The following HEG1 variants were observed in gnomAD, a reference collection of about 807,000 sequenced individuals.
The protein encoded by HEG1 is protein HEG homolog 1.
HEG1 carries 56 observed loss-of-function variants against 125.6 expected under a neutral mutation model. That is an observed-to-expected ratio of 0.45 (90% CI 0.36 to 0.56). HEG1 has a LOEUF of 0.56. HEG1 is among the 20% of genes least tolerant of loss of function. The pLI is 0.00. For synonymous variants in HEG1, 644 were observed against 668.5 expected (o/e 0.96, Z 0.57); for missense variants, 1,523 against 1,670.0 (o/e 0.91, Z 1.53).
intron 1 of HEG1, among the ~76,000 whole-genome samples, chr3:125,045,958 C>T (rs1267500193): frequency 3.3e-5 from 5 of 152,196 alleles, no homozygotes; most frequent in Admixed American, 2.0e-4. Context: ...TGTCCAGTTA[C>T]AAGTGCTTTC....
rs778119461 is a variant in HEG1 at position 125,013,958 on chromosome 3, T to C, written c.1621A>G (p.Thr541Ala). ...AGISYGQVRG[T>A]AIEQRTSSDH... ...CTGGAAGTCCTTTGTTCAATAGCTG[T>C]GCCACGCACTTGACCGTAGCTAATC... Residue 541 changes from threonine (T) to alanine (A), a missense_variant, in exon 6 of 17, where the codon ACA becomes GCA. Physicochemically the swap from Thr to Ala is moderately conservative, Grantham distance 58. Transcript: ENST00000311127. 5 of 1,612,194 alleles carry C rather than the reference T, an allele frequency of 3.1e-6. No homozygotes were observed. The highest frequency in any genetic ancestry group is 4.2e-6 in the Non-Finnish European group (5 of 1,179,398).
chr3:124,991,017 G>A (rs1579403273), intron 12 of HEG1, 31 bp from the exon 13 acceptor site: 2 of 1,534,482 alleles, frequency 1.3e-6, no homozygotes, highest in East Asian at 2.4e-5. Context: ...GCATGAGTGT[G>A]TCTATTTACC....
chr3:124,992,944 G>T (rs968766786), intron 12 of HEG1, among the ~76,000 whole-genome samples: 3 of 152,214 alleles, frequency 2.0e-5, no homozygotes, highest in African/African-American at 7.2e-5. Flanking sequence ...GCAGCCATGG[G>T]AAAGTCCCTG....
chr3:124,972,700 T>C (rs1356588537), intron 16 of HEG1, among the ~76,000 whole-genome samples: 3 of 152,232 alleles, frequency 2.0e-5, no homozygotes, highest in Non-Finnish European at 1.5e-5. Context: ...GATAACTGTT[T>C]ACTTTTCAGC....
intron 14 of HEG1, among the ~76,000 whole-genome samples, chr3:124,985,220 T>C (rs1427567500): frequency 6.6e-6 from 1 of 152,162 alleles, no homozygotes; most frequent in Non-Finnish European, 1.5e-5. Flanking sequence ...CAAGGTGACA[T>C]GGATCCTGCT....
intron 12 of HEG1, among the ~76,000 whole-genome samples, chr3:124,997,465 T>C (rs1936938652): frequency 6.6e-6 from 1 of 152,226 alleles, no homozygotes. Context: ...CTGTCTTCCT[T>C]TGAATTTAAT....
intron 14 of HEG1, among the ~76,000 whole-genome samples, chr3:124,982,179 C>T (rs1936666857): frequency 1.3e-5 from 2 of 152,178 alleles, no homozygotes; most frequent in South Asian, 2.1e-4. Context: ...GGATTACAGG[C>T]GTGAGCCACT....
At chr3:125,040,402 C>T (rs1314115247) in intron 1 of HEG1, among the ~76,000 whole-genome samples, 1 of 152,060 alleles carries the variant, frequency 6.6e-6, no homozygotes, top group Non-Finnish European at 1.5e-5. Flanking sequence ...ACCAGCCCTA[C>T]AGAAAGTCCC....
intron 14 of HEG1, among the ~76,000 whole-genome samples, chr3:124,980,499 G>A (rs1040857597): frequency 6.6e-6 from 1 of 152,184 alleles, no homozygotes; most frequent in Non-Finnish European, 1.5e-5. Flanking sequence ...CAAACTATCT[G>A]TGGTCAAGGA....
At chr3:124,971,240 T>C (rs1291415589) in intron 16 of HEG1, 1 of 449,598 alleles carries the variant, frequency 2.2e-6, no homozygotes, top group African/African-American at 2.0e-5. Flanking sequence ...AGCTACTATG[T>C]ATCATAAATA....
intron 11 of HEG1, 40 bp downstream of exon 11, chr3:125,001,812 A>G: frequency 6.3e-7 from 1 of 1,595,006 alleles, no homozygotes; most frequent in Middle Eastern, 1.9e-4. Flanking sequence ...TCTGTGCCTA[A>G]CTATATGGGT....
At chr3:124,979,286 G>C (rs968473464) in intron 14 of HEG1, among the ~76,000 whole-genome samples, 2 of 152,012 alleles carry the variant, frequency 1.3e-5, no homozygotes, top group African/African-American at 4.8e-5. Flanking sequence ...ATTTTTACTT[G>C]ATAAAATAAA....
At chr3:125,048,179 GT>G (rs1937707274) in intron 1 of HEG1, among the ~76,000 whole-genome samples, 1 of 152,162 alleles carries the variant, frequency 6.6e-6, no homozygotes, top group Non-Finnish European at 1.5e-5. Context: ...CTAGAATGAA[GT>G]TCAAGTACCT....
At position 124,968,084 on chromosome 3, in the gene HEG1, T is replaced by C. The variant is rs1035169565; in HGVS notation, c.*2568A>G. ...CCATCTGTGGGATATTGGTGCAGGA[T>C]TGTGGCATCTGTGCACGTGAATCAC... On this transcript the variant is annotated 3_prime_UTR_variant, in exon 17 of 17. Coordinates refer to ENST00000311127, the MANE Select transcript of HEG1 (RefSeq NM_020733.2). 3 of 152,448 alleles carry C rather than the reference T, an allele frequency of 2.0e-5. No homozygotes were observed. Among genetic ancestry groups the C allele is most frequent in the African/African-American group, 7.2e-5 (3 of 41,468 alleles). 9.4% of individuals were successfully genotyped at this position (152,448 alleles called of 1,614,324 possible).
At chr3:125,042,978 G>T (rs1335105765) in intron 1 of HEG1, among the ~76,000 whole-genome samples, 1 of 152,238 alleles carries the variant, frequency 6.6e-6, no homozygotes, top group Non-Finnish European at 1.5e-5. Flanking sequence ...GTGAACAAAA[G>T]ACTCAGCCCT....
intron 3 of HEG1, among the ~76,000 whole-genome samples, chr3:125,026,438 C>A (rs1937415619): frequency 6.6e-6 from 1 of 152,216 alleles, no homozygotes; most frequent in Admixed American, 6.5e-5. Flanking sequence ...AATCCCTGAG[C>A]TGAGACTTAA....
chr3:124,972,444 T>C (rs1269034528), intron 16 of HEG1, among the ~76,000 whole-genome samples: 2 of 152,236 alleles, frequency 1.3e-5, no homozygotes, highest in East Asian at 1.9e-4. Context: ...TCCTTATTTA[T>C]AACTTTTTGT....
At chr3:125,009,878 A>G (rs2107699383) in intron 7 of HEG1, 54 bp from the exon 8 acceptor site, 1 of 1,557,986 alleles carries the variant, frequency 6.4e-7, no homozygotes, top group Non-Finnish European at 8.7e-7. Flanking sequence ...CAGCAAAACC[A>G]TAACCCAGTG....
chr3:124,996,379 C>T lies in HEG1; in HGVS notation c.3652+1310G>A, dbSNP rs150862690. On this transcript the variant is annotated intron_variant, in intron 12 of 16. Coordinates refer to ENST00000311127, the MANE Select transcript of HEG1 (RefSeq NM_020733.2). The stretch of plus-strand genomic sequence containing the variant: ...AATTATAGGCGTGAGTCACCACGCC[C>T]GGCTCAACTCCCCATTTCTAAGAGG... 8.1e-4 allele frequency among the ~76,000 whole-genome samples: 123 copies of T among 152,212 alleles called. 1 individual carries two copies. The highest frequency in any genetic ancestry group is 1.1e-3 in the African/African-American group (44 of 41,534).
Sources: gnomAD v4.1 joint callset for allele counts (sites outside exome capture counted in the v4.1 genomes callset) on GRCh38, gnomAD v4.1.1 for gene constraint, MANE v1.5 for transcripts, NCBI Gene and HGNC (gene_info 2026-07-23, HGNC 2026-07-21) for gene names.